The following DET1 variants were observed in gnomAD, a reference collection of about 807,000 sequenced individuals.
DET1 encodes the protein DET1 partner of COP1 E3 ubiquitin ligase, also known as DET1 homolog.
In DET1, 22 loss-of-function variants were observed where a neutral mutation model predicts 43.7. The observed-to-expected ratio is 0.50, with a 90% CI of 0.36 to 0.72. The LOEUF is 0.72. DET1 is among the 30% of genes least tolerant of loss of function. DET1 has a pLI of 0.00. For synonymous variants in DET1, 315 were observed against 266.2 expected (o/e 1.18, Z -1.79); for missense variants, 713 against 713.3 (o/e 1.00, Z 0.00).
At chr15:88,544,963 C>T (rs967119362) in intron 1 of DET1, among the ~76,000 whole-genome samples, 2 of 152,110 alleles carry the variant, frequency 1.3e-5, no homozygotes, top group African/African-American at 4.8e-5. Context: ...GGGAGCCAAA[C>T]TGGATGTGTG....
rs144951971 is a variant in DET1 at position 88,515,368 on chromosome 15, C to T, written c.1463+1414G>A. 1.5e-3 allele frequency among the ~76,000 whole-genome samples: 234 copies of T among 151,474 alleles called. 1 individual carries two copies. Among genetic ancestry groups the T allele is most frequent in the Middle Eastern group, 6.9e-3 (2 of 290 alleles). Reference sequence around the variant, plus strand: ...CAGCCTGGCCAACATGGTGAAACCCCGTCTCTACAAAAATACAAAAATTAG... The same window carrying T: ...CAGCCTGGCCAACATGGTGAAACCCTGTCTCTACAAAAATACAAAAATTAG... On this transcript the variant is annotated intron_variant, in intron 4 of 4. Transcript: ENST00000268148.
Position 88,532,366 on chromosome 15 carries a change from C to T in DET1, c.-10-651G>A, listed in dbSNP as rs546219757. On this transcript the variant is annotated intron_variant, in intron 1 of 4. Transcript: ENST00000268148. ...ATTCCAGCAAAAAATATTTATTGGG[C>T]TGTTAAGATATCCATATTACCCAAA... Among the ~76,000 whole-genome samples the T allele has an allele frequency of 4.6e-5, 7 of 152,214 alleles. No individual in the cohort carries two copies. The South Asian group carries it at 1.5e-3, about 32-fold the overall frequency.
At chr15:88,523,349 G>T (rs1362960270) in intron 3 of DET1, among the ~76,000 whole-genome samples, 1 of 152,042 alleles carries the variant, frequency 6.6e-6, no homozygotes, top group Non-Finnish European at 1.5e-5. Context: ...GCTGGGAAAA[G>T]ATTACTATAA....
Position 88,513,019 on chromosome 15 carries a change from C to A in DET1, c.1585G>T (p.Ala529Ser). ...AFTFHPFEPF[A>S]ISVQRTNAEY... ...GCATTAGTCCTCTGCACAGAAATAG[C>A]GAAAGGCTCAAAAGGGTGAAAGGTG... The change falls in exon 5 of 5, where the codon GCT (alanine) becomes TCT (serine). Residue 529 changes from alanine to serine, a missense_variant. By Grantham distance (99) the Ala-to-Ser change is moderately conservative. Transcript: ENST00000268148. The A allele has an allele frequency of 1.2e-6, 2 of 1,614,028 alleles. No homozygotes were observed. The highest frequency in any genetic ancestry group is 1.7e-6 in the Non-Finnish European group (2 of 1,179,896).
chr15:88,538,856 T>A (rs1422970489), intron 1 of DET1, among the ~76,000 whole-genome samples: 1 of 152,080 alleles, frequency 6.6e-6, no homozygotes, highest in South Asian at 2.1e-4. Context: ...CACCCCGGGG[T>A]CAGGTAGGTC....
intron 1 of DET1, among the ~76,000 whole-genome samples, chr15:88,544,005 T>C (rs1014792299): frequency 1.3e-5 from 2 of 152,224 alleles, no homozygotes; most frequent in Non-Finnish European, 2.9e-5. Context: ...CTTCTAGTAC[T>C]AGTAGACACC....
At position 88,527,082 on chromosome 15, in the gene DET1, C is replaced by T. The variant is rs139000125; in HGVS notation, c.1271+517G>A. ...TCTCATTCATTCACTGGCTTTTCAG[C>T]TTTTAAAACTTTGTTAATATGTCCT... On this transcript the variant is annotated intron_variant, in intron 3 of 4. Transcript: ENST00000268148. 5.7e-3 allele frequency among the ~76,000 whole-genome samples: 874 copies of T among 152,292 alleles called. 6 individuals are homozygous for T. The highest frequency in any genetic ancestry group is 9.8e-3 in the Admixed American group (150 of 15,296).
At chr15:88,541,243 T>C (rs1283948214) in intron 1 of DET1, among the ~76,000 whole-genome samples, 1 of 150,558 alleles carries the variant, frequency 6.6e-6, no homozygotes, top group Non-Finnish European at 1.5e-5. Flanking sequence ...TTGTCTATGA[T>C]GCAAAGACCT....
intron 3 of DET1, among the ~76,000 whole-genome samples, chr15:88,523,962 C>T (rs1185149083): frequency 6.6e-6 from 1 of 150,666 alleles, no homozygotes; most frequent in African/African-American, 2.5e-5. Context: ...AGGAGCGTCT[C>T]CACCCGGCCG....
chr15:88,541,259 C>T (rs2057098047), intron 1 of DET1, among the ~76,000 whole-genome samples: 2 of 151,216 alleles, frequency 1.3e-5, no homozygotes, highest in Admixed American at 6.6e-5. Flanking sequence ...GACCTTTGTT[C>T]ACGTGTTTGT....
At chr15:88,528,983 A>C (rs1287972559) in intron 2 of DET1, among the ~76,000 whole-genome samples, 2 of 152,216 alleles carry the variant, frequency 1.3e-5, no homozygotes, top group African/African-American at 4.8e-5. Flanking sequence ...GGAACCTATC[A>C]AATTAAACTG....
chr15:88,515,807 G>A (rs1483317971), intron 4 of DET1, among the ~76,000 whole-genome samples: 1 of 151,898 alleles, frequency 6.6e-6, no homozygotes, highest in Non-Finnish European at 1.5e-5. Context: ...GAGGGAGTAG[G>A]GGTCGTGATG....
In DET1 at chr15:88,535,375, C is replaced by T. The variant is rs140012553; in HGVS notation, c.-10-3660G>A. ...AAGACTGAAAAAAAGTCAGTAAAGC[C>T]TCAGGGCCCTAGGGAAAATATCAAA... On this transcript the variant is annotated intron_variant, in intron 1 of 4. Coordinates refer to ENST00000268148, the MANE Select transcript of DET1 (RefSeq NM_001144074.3). 2.3e-3 allele frequency among the ~76,000 whole-genome samples: 345 copies of T among 151,760 alleles called. 2 individuals are homozygous for T. Among genetic ancestry groups the T allele is most frequent in the African/African-American group, 8.0e-3 (333 of 41,368 alleles).
intron 3 of DET1, among the ~76,000 whole-genome samples, chr15:88,521,846 T>G (rs886333727): frequency 3.3e-5 from 5 of 151,964 alleles, no homozygotes; most frequent in African/African-American, 1.2e-4. Context: ...TGTTCCAAAA[T>G]TTCATGATGA....
chr15:88,513,862 C>T (rs1364964954), intron 4 of DET1, among the ~76,000 whole-genome samples: 9 of 136,144 alleles, frequency 6.6e-5, no homozygotes, highest in Non-Finnish European at 1.1e-4. Flanking sequence ...TGCAGTGGCG[C>T]GATCTCGGCT....
chr15:88,507,673 G>A (rs1454424803), downstream of DET1, among the ~76,000 whole-genome samples: 1 of 152,214 alleles, frequency 6.6e-6, no homozygotes, highest in Admixed American at 6.5e-5. Flanking sequence ...TTTTGAGGAT[G>A]TCAGTGAAGT....
chr15:88,505,972 G>C (rs1469945394), intron 7 of DET1, among the ~76,000 whole-genome samples: 1 of 152,132 alleles, frequency 6.6e-6, no homozygotes, highest in Non-Finnish European at 1.5e-5. Flanking sequence ...GACATGGGTG[G>C]GCAGGGGTTG....
In DET1 at chr15:88,530,655, C is replaced by T. The variant is rs762610814; in HGVS notation, c.1051G>A (p.Val351Ile). The T allele has an allele frequency of 6.2e-7, 1 of 1,612,254 alleles. No individual in the cohort carries two copies. The highest frequency in any genetic ancestry group is 1.3e-5 in the African/African-American group (1 of 74,916). Residue 351 changes from valine to isoleucine, a missense_variant, in exon 2 of 5, where the codon GTA (valine) becomes ATA (isoleucine). Coordinates refer to ENST00000268148, the MANE Select transcript of DET1 (RefSeq NM_001144074.3). Reference sequence around the variant, plus strand: ...GGATCTGTGACTCGCAGTGTTACTACATCCTCACTAGTGTACTTGATAAAC... The same window carrying T: ...GGATCTGTGACTCGCAGTGTTACTATATCCTCACTAGTGTACTTGATAAAC... ...HLFIKYTSED[V>I]VTLRVTDPSQ...
rs2056522483 is a variant in DET1 at position 88,522,516 on chromosome 15, T to TTTTTTTTTTTGG, written c.1271+5082_1271+5083insCCAAAAAAAAAA. Among the ~76,000 whole-genome samples, 3 of 135,868 alleles carry TTTTTTTTTTTGG rather than the reference T, an allele frequency of 2.2e-5. 1 individual carries two copies. The East Asian group carries it at 6.5e-4, about 29-fold the overall frequency. The allele number at this position is 135,868 out of a possible 152,430, so 89.1% of individuals were successfully genotyped here. A position where few individuals can be genotyped will look rare whatever the true frequency, so the allele number is the denominator to read the frequency against. ...ATTGTTCTAGGAATGTTCCTGGTTT[T>TTTTTTTTTTTGG]TTTTTTTTTTTGAGTTGGAGTCTCG... On this transcript the variant is annotated intron_variant, in intron 3 of 4. Coordinates refer to ENST00000268148, the MANE Select transcript of DET1 (RefSeq NM_001144074.3).
Sources: allele counts gnomAD v4.1 joint callset (sites outside exome capture counted in the v4.1 genomes callset), GRCh38; gene constraint gnomAD v4.1.1; transcripts MANE v1.5; gene names NCBI Gene and HGNC (gene_info 2026-07-23, HGNC 2026-07-21).